Variants in SDR42E2 observed in about 807,000 individuals in gnomAD.
SDR42E2 encodes short chain dehydrogenase/reductase family 42E, member 2, also known as putative short-chain dehydrogenase/reductase family 42E member 2.
SDR42E2 carries 20 observed loss-of-function variants against 10.5 expected under a neutral mutation model. The ratio of observed to expected loss-of-function variants is 1.90; its 90% CI spans 1.34 to 2.77. The LOEUF is 2.77. Ranked by LOEUF, SDR42E2 falls within the 30% of genes most tolerant of loss-of-function variation. The pLI is 0.00. For missense variants in SDR42E2, 162 were observed against 104.2 expected (o/e 1.55, Z -2.42); for synonymous variants, 72 against 39.2 (o/e 1.84, Z -3.12).
At chr16:22,177,782 G>T (rs1468976123) in intron 7 of SDR42E2, among the ~76,000 whole-genome samples, 1 of 152,108 alleles carries the variant, frequency 6.6e-6, no homozygotes, top group African/African-American at 2.4e-5. Flanking sequence ...TCACTCTGCC[G>T]AGTGCTTGGT....
rs1451852834 is a variant in SDR42E2, at chr16:22,180,189, G to GC, written c.673-1326dup. ...CAGCTTCCAGCCTAGCAGGATGGGA[G>GC]CCCCTGGAAGGTTCTGAGCCGTGGA... On this transcript the variant is annotated intron_variant, in intron 8 of 12. Coordinates refer to ENST00000602312, the MANE Select transcript of SDR42E2 (RefSeq NM_001394319.2). 2.6e-5 allele frequency among the ~76,000 whole-genome samples: 4 copies of GC among 152,294 alleles called. No individual in the cohort carries two copies. In the East Asian group the frequency reaches 5.8e-4, roughly 22 times the overall value.
At chr16:22,169,365 C>T (rs2046573625) in intron 4 of SDR42E2, 80 bp from the exon 5 acceptor site, 1 of 701,140 alleles carries the variant, frequency 1.4e-6, no homozygotes. Context: ...CCTGTCCCAC[C>T]TGACCCCAAG....
chr16:22,163,617 G>T (rs900101973), intron 1 of SDR42E2, among the ~76,000 whole-genome samples: 3 of 152,202 alleles, frequency 2.0e-5, no homozygotes, highest in Non-Finnish European at 2.9e-5. Flanking sequence ...TGAGGGAGGA[G>T]AATTGCTTGA....
At chr16:22,180,946 G>T (rs1329646433) in intron 8 of SDR42E2, among the ~76,000 whole-genome samples, 2 of 152,218 alleles carry the variant, frequency 1.3e-5, no homozygotes, top group African/African-American at 4.8e-5. Flanking sequence ...GATGGAGTTT[G>T]CAGTGACCAA....
chr16:22,167,500 T>G (rs2046554053), intron 4 of SDR42E2, among the ~76,000 whole-genome samples: 1 of 152,158 alleles, frequency 6.6e-6, no homozygotes, highest in Admixed American at 6.6e-5. Flanking sequence ...TCTGCCATTT[T>G]ATAACTGTGT....
In SDR42E2 at chr16:22,191,102, C is replaced by G. The variant is rs2142087157; in HGVS notation, c.*709C>G. On this transcript the variant is annotated 3_prime_UTR_variant, in exon 13 of 13. Coordinates refer to ENST00000602312, the MANE Select transcript of SDR42E2 (RefSeq NM_001394319.2). ...TGGCCCTGCCCCTTTTTTCCTCCCT[C>G]CGGCCTGTCCGGTTTCTGATATGGG... is the stretch of plus-strand genomic sequence containing the variant. The G allele has an allele frequency of 6.5e-6, 1 of 153,932 alleles. No homozygotes were observed. Among genetic ancestry groups the G allele is most frequent in the Admixed American group, 6.5e-5 (1 of 15,294 alleles). 9.5% of individuals were successfully genotyped at this position (153,932 alleles called of 1,614,324 possible).
At chr16:22,163,971 C>T (rs112056334) in intron 1 of SDR42E2, among the ~76,000 whole-genome samples, 12 of 151,690 alleles carry the variant, frequency 7.9e-5, no homozygotes, top group African/African-American at 1.9e-4. Context: ...TAGGGCCTGG[C>T]GCACAGAGGT....
chr16:22,181,293 A>G (rs573147836), intron 8 of SDR42E2, among the ~76,000 whole-genome samples: 1 of 152,076 alleles, frequency 6.6e-6, no homozygotes, highest in African/African-American at 2.4e-5. Context: ...CTGGGAAGGG[A>G]GGGAGGAGCG....
intron 7 of SDR42E2, among the ~76,000 whole-genome samples, chr16:22,177,641 T>G (rs554323466): frequency 1.7e-3 from 252 of 145,308 alleles, no homozygotes; most frequent in East Asian, 4.3e-3. Context: ...AAAAAAGAAA[T>G]AAAGAAAGAA....
At chr16:22,173,602 G>T (rs1402507990) in intron 7 of SDR42E2, among the ~76,000 whole-genome samples, 2 of 151,934 alleles carry the variant, frequency 1.3e-5, no homozygotes, top group Non-Finnish European at 2.9e-5. Context: ...CCCACAGGTT[G>T]CTAACTTTAT....
rs2046591971 is a variant in SDR42E2 at position 22,170,775 on chromosome 16, C to T, written c.395-58C>T. 1.6e-5 allele frequency: 11 copies of T among 701,738 alleles called. No homozygotes were observed. The Admixed American group carries it at 2.2e-4, about 14-fold the overall frequency. The allele number at this position is 701,738 out of a possible 1,614,324, so 43.5% of individuals were successfully genotyped here. A position where few individuals can be genotyped will look rare whatever the true frequency, so the allele number is the denominator to read the frequency against. On this transcript the variant is annotated intron_variant, in intron 5 of 12. Coordinates refer to ENST00000602312, the MANE Select transcript of SDR42E2 (RefSeq NM_001394319.2). ...ATGCTCACTTGTGTCCCGTGTGTGTCTGTGTCTTTGCATGTGTGTGTGTGT... is the reference window on the plus strand; with the variant it reads ...ATGCTCACTTGTGTCCCGTGTGTGTTTGTGTCTTTGCATGTGTGTGTGTGT...
intron 7 of SDR42E2, among the ~76,000 whole-genome samples, chr16:22,173,905 G>GTATATATATATATATATATATATA (rs770541596): frequency 1.1e-4 from 13 of 114,986 alleles, no homozygotes; most frequent in East Asian, 4.9e-4. Context: ...ATGTGTGTGT[G>GTATATATATATATATATATATATA]TATATATATA....
Position 22,166,585 on chromosome 16 carries a change from G to A in SDR42E2, c.240+151G>A, listed in dbSNP as rs117332696. On this transcript the variant is annotated intron_variant, in intron 3 of 12. Transcript: ENST00000602312. Reference sequence around the variant, plus strand: ...CTCTGGCTCTGGTGCTACCAGCTGGGTAGCTATGGTCACAGAAAGGGGACA... The same window carrying A: ...CTCTGGCTCTGGTGCTACCAGCTGGATAGCTATGGTCACAGAAAGGGGACA... Among the ~76,000 whole-genome samples the A allele has an allele frequency of 4.7e-4, 72 of 152,210 alleles. No homozygotes were observed. The East Asian group carries it at 0.013, about 27-fold the overall frequency.
rs141776863 is a variant in SDR42E2, at chr16:22,177,998, G to C, written c.590-132G>C. On this transcript the variant is annotated intron_variant, in intron 7 of 12. Transcript: ENST00000602312. ...TGACTAAGAGAATAATAAATTGAAC[G>C]AGGAAGCCCCTGGGCCGGTCTTCCC... The C allele has an allele frequency of 6.4e-3, 3,711 of 580,394 alleles. 113 individuals are homozygous for C. The highest frequency in any genetic ancestry group is 0.061 in the African/African-American group (3,198 of 52,650). 36.0% of individuals were successfully genotyped at this position (580,394 alleles called of 1,614,324 possible).
At chr16:22,179,655 T>C (rs2046675712) in intron 8 of SDR42E2, among the ~76,000 whole-genome samples, 1 of 151,646 alleles carries the variant, frequency 6.6e-6, no homozygotes, top group Non-Finnish European at 1.5e-5. Context: ...CTACTAAAAA[T>C]ACAAAAAATT....
At chr16:22,187,911 C>T (rs945681477) in intron 12 of SDR42E2, among the ~76,000 whole-genome samples, 5 of 151,918 alleles carry the variant, frequency 3.3e-5, no homozygotes, top group South Asian at 4.1e-4. Context: ...GCCTGGCCAA[C>T]GCAGTGAAAT....
At chr16:22,189,033 G>A (rs1313352437) in intron 12 of SDR42E2, among the ~76,000 whole-genome samples, 1 of 152,164 alleles carries the variant, frequency 6.6e-6, no homozygotes. Context: ...GAGGAAGTCA[G>A]AGAAAGCTTC....
At chr16:22,172,113 G>T in intron 6 of SDR42E2, 143 bp from the exon 7 acceptor site, 1 of 634,508 alleles carries the variant, frequency 1.6e-6, no homozygotes, top group Middle Eastern at 2.7e-4. Flanking sequence ...CCACCCAGGG[G>T]GAGAGGAAAG....
rs1567237224 is a variant in SDR42E2 at position 22,167,175 on chromosome 16, T to TGG, written c.336+176_336+177insGG. ...AATACCAGTTCTGCCATTTTTTTTT[T>TGG]TTTTTTTTTTTTTTTTTTTTTTTTT... On this transcript the variant is annotated intron_variant, in intron 4 of 12. Transcript: ENST00000602312. Among the ~76,000 whole-genome samples the TGG allele has an allele frequency of 4.1e-3, 422 of 102,274 alleles. 21 individuals carry two copies. Among genetic ancestry groups the TGG allele is most frequent in the African/African-American group, 0.015 (410 of 28,228 alleles). 67.1% of individuals were successfully genotyped at this position (102,274 alleles called of 152,430 possible).
Sources: gnomAD v4.1 joint callset for allele counts (sites outside exome capture counted in the v4.1 genomes callset) on GRCh38, gnomAD v4.1.1 for gene constraint, MANE v1.5 for transcripts, NCBI Gene and HGNC (gene_info 2026-07-23, HGNC 2026-07-21) for gene names.